The following SLX4IP variants were observed in gnomAD, a reference collection of about 807,000 sequenced individuals.
SLX4IP encodes the protein protein SLX4IP.
A neutral mutation model predicts 32.9 loss-of-function variants in SLX4IP; 34 were observed. The observed-to-expected ratio is 1.03, with a 90% CI of 0.79 to 1.38. The LOEUF is 1.38. SLX4IP is among the 40% of genes most tolerant of loss of function. SLX4IP has a pLI of 0.00. For synonymous variants in SLX4IP, 172 were observed against 171.7 expected (o/e 1.00, Z -0.01); for missense variants, 444 against 479.0 (o/e 0.93, Z 0.68).
Position 10,621,332 on chromosome 20 carries a change from G to A in SLX4IP, c.424G>A (p.Gly142Arg). The stretch of plus-strand genomic sequence containing the variant: ...GGAGTAGACAGAAAGAGTTCTCCAT[G>A]GAGTGTCTGATTACTTTGCTGAGTG... ...NEDLTERVLHGVSDYFAECAE... is the reference protein window; with the variant it reads ...NEDLTERVLHRVSDYFAECAE... The change falls in exon 7 of 8, where the codon GGA (glycine) becomes AGA (arginine). Residue 142 changes from glycine to arginine, a missense_variant. Coordinates refer to ENST00000334534, the MANE Select transcript of SLX4IP (RefSeq NM_001009608.3). The A allele has an allele frequency of 1.9e-6, 3 of 1,614,156 alleles. No individual in the cohort carries two copies. The African/African-American group carries it at 4.0e-5, about 22-fold the overall frequency.
chr20:10,451,405 G>A (rs1398976235), intron 1 of SLX4IP, among the ~76,000 whole-genome samples: 3 of 151,576 alleles, frequency 2.0e-5, no homozygotes, highest in East Asian at 2.0e-4. Flanking sequence ...AGTGATCCAC[G>A]TGCGTTGGCC....
intron 4 of SLX4IP, among the ~76,000 whole-genome samples, chr20:10,596,392 T>A (rs1307473370): frequency 1.3e-5 from 2 of 151,902 alleles, no homozygotes; most frequent in Non-Finnish European, 2.9e-5. Context: ...CCAGCTAATG[T>A]TTTTTTGTAT....
intron 2 of SLX4IP, among the ~76,000 whole-genome samples, chr20:10,487,329 C>A (rs1463241978): frequency 8.5e-5 from 13 of 152,104 alleles, no homozygotes; most frequent in Admixed American, 8.5e-4. Flanking sequence ...TGTCAAGAGG[C>A]CACTTAGAGA....
rs33995611 is a variant in SLX4IP at position 10,592,622 on chromosome 20, CTTTTTTTTTTTT to C, written c.239-6034_239-6023del. 9.2e-4 allele frequency among the ~76,000 whole-genome samples: 51 copies of C among 55,174 alleles called. 1 individual carries two copies. The highest frequency in any genetic ancestry group is 1.3e-3 in the African/African-American group (16 of 11,852). The allele number at this position is 55,174 out of a possible 152,430, so 36.2% of individuals were successfully genotyped here. A position where few individuals can be genotyped will look rare whatever the true frequency, so the allele number is the denominator to read the frequency against. On this transcript the variant is annotated intron_variant, in intron 4 of 7. Coordinates refer to ENST00000334534, the MANE Select transcript of SLX4IP (RefSeq NM_001009608.3). The stretch of plus-strand genomic sequence containing the variant: ...GCTTGAAAGCACACGTATTCTTCAT[CTTTTTTTTTTTT>C]TTTTTTTTTTTTTTTTTTGAGATGG...
intron 2 of SLX4IP, among the ~76,000 whole-genome samples, chr20:10,539,971 G>T (rs1198658775): frequency 6.6e-6 from 1 of 152,128 alleles, no homozygotes; most frequent in Non-Finnish European, 1.5e-5. Flanking sequence ...GCATCACCTG[G>T]GAGTCTGTTA....
At chr20:10,553,802 T>G (rs2066241503) in intron 2 of SLX4IP, among the ~76,000 whole-genome samples, 1 of 152,228 alleles carries the variant, frequency 6.6e-6, no homozygotes, top group Non-Finnish European at 1.5e-5. Flanking sequence ...AAAATGCTGG[T>G]TGCAACACAC....
intron 2 of SLX4IP, among the ~76,000 whole-genome samples, chr20:10,477,288 G>A (rs1272450492): frequency 6.6e-6 from 1 of 152,084 alleles, no homozygotes; most frequent in Non-Finnish European, 1.5e-5. Flanking sequence ...CTGGGTTACA[G>A]GTATGCACCA....
At chr20:10,540,191 CTCTT>C (rs1180730089) in intron 2 of SLX4IP, among the ~76,000 whole-genome samples, 21 of 147,620 alleles carry the variant, frequency 1.4e-4, no homozygotes, top group Middle Eastern at 3.5e-3. Flanking sequence ...CTCCCTCCCT[CTCTT>C]TCTTTCTTTC....
chr20:10,627,045 A>G lies in SLX4IP; in HGVS notation c.*3666A>G, dbSNP rs1284670295. The G allele has an allele frequency of 6.6e-6, 1 of 152,156 alleles. No homozygotes were observed. The highest frequency in any genetic ancestry group is 2.4e-5 in the African/African-American group (1 of 41,428). 9.4% of individuals were successfully genotyped at this position (152,156 alleles called of 1,614,324 possible). A position where few individuals can be genotyped will look rare whatever the true frequency, so the allele number is the denominator to read the frequency against. ...TAAGGGAAGGAAACCTCTGCTCAAG[A>G]GAGTGGCCTGGGATCACAGTGTCGT... On this transcript the variant is annotated 3_prime_UTR_variant, in exon 8 of 8. Transcript: ENST00000334534.
intron 2 of SLX4IP, among the ~76,000 whole-genome samples, chr20:10,470,834 G>C (rs1225491823): frequency 6.6e-6 from 1 of 152,122 alleles, no homozygotes; most frequent in Non-Finnish European, 1.5e-5. Flanking sequence ...TAGGTTCTTT[G>C]ATAGCACTTC....
chr20:10,468,322 C>G (rs1186204465), intron 2 of SLX4IP, among the ~76,000 whole-genome samples: 3 of 152,186 alleles, frequency 2.0e-5, no homozygotes, highest in African/African-American at 7.2e-5. Context: ...TGCCTCTCTT[C>G]TCTTACCATT....
Position 10,536,509 on chromosome 20 carries a change from G to T in SLX4IP, c.28-19722G>T, listed in dbSNP as rs536549937. Among the ~76,000 whole-genome samples the T allele has an allele frequency of 7.9e-5, 12 of 152,332 alleles. No individual in the cohort carries two copies. The South Asian group carries it at 1.7e-3, about 21-fold the overall frequency. On this transcript the variant is annotated intron_variant, in intron 2 of 7. Coordinates refer to ENST00000334534, the MANE Select transcript of SLX4IP (RefSeq NM_001009608.3). ...AGGAAAAGGAAAGGCAGAGAGCCTT[G>T]TTTCTTTGCATGTGTGACACTCAGA... is the stretch of plus-strand genomic sequence containing the variant.
At chr20:10,502,943 C>T (rs1459800337) in intron 2 of SLX4IP, among the ~76,000 whole-genome samples, 1 of 152,202 alleles carries the variant, frequency 6.6e-6, no homozygotes, top group African/African-American at 2.4e-5. Context: ...AGTAGCCCTT[C>T]ACAATGGGCA....
At chr20:10,562,240 G>T (rs1382136363) in intron 4 of SLX4IP, among the ~76,000 whole-genome samples, 1 of 152,202 alleles carries the variant, frequency 6.6e-6, no homozygotes, top group Non-Finnish European at 1.5e-5. Context: ...GGAAATACTG[G>T]ATCACACGTG....
In SLX4IP at chr20:10,593,088, A is replaced by G. The variant is rs183452985; in HGVS notation, c.239-5587A>G. 4.6e-5 allele frequency among the ~76,000 whole-genome samples: 7 copies of G among 152,310 alleles called. No individual in the cohort carries two copies. In the East Asian group the frequency reaches 1.4e-3, roughly 29 times the overall value. On this transcript the variant is annotated intron_variant, in intron 4 of 7. Coordinates refer to ENST00000334534, the MANE Select transcript of SLX4IP (RefSeq NM_001009608.3). ...ATGACTTCAGACTGGAAACAGTCAC[A>G]TGTCTGAACTGGCGTGCAATGCAGA...
chr20:10,521,138 CTT>C (rs2065898441), intron 2 of SLX4IP, among the ~76,000 whole-genome samples: 1 of 152,222 alleles, frequency 6.6e-6, no homozygotes, highest in Non-Finnish European at 1.5e-5. Flanking sequence ...TCCCACACCT[CTT>C]TTGTTTTCAT....
intron 1 of SLX4IP, among the ~76,000 whole-genome samples, chr20:10,435,779 A>AT (rs918637287): frequency 3.3e-5 from 5 of 152,148 alleles, no homozygotes; most frequent in Non-Finnish European, 7.4e-5. Context: ...CTTCCCAGAC[A>AT]TTTTTGGAGA....
At chr20:10,611,240 A>G (rs1232316498) in intron 6 of SLX4IP, among the ~76,000 whole-genome samples, 2 of 152,232 alleles carry the variant, frequency 1.3e-5, no homozygotes, top group Non-Finnish European at 2.9e-5. Flanking sequence ...GGGCTGTCGC[A>G]TACAATAACC....
chr20:10,590,423 C>G (rs932324425), intron 4 of SLX4IP, among the ~76,000 whole-genome samples: 2 of 151,912 alleles, frequency 1.3e-5, no homozygotes, highest in Non-Finnish European at 2.9e-5. Flanking sequence ...TGCAGTGGCG[C>G]GATCTCGGCT....
Sources: gnomAD v4.1 joint callset for allele counts (sites outside exome capture counted in the v4.1 genomes callset) on GRCh38, gnomAD v4.1.1 for gene constraint, MANE v1.5 for transcripts, NCBI Gene and HGNC (gene_info 2026-07-23, HGNC 2026-07-21) for gene names.